Variants in NAV2 observed in about 807,000 individuals in gnomAD.
NAV2 encodes the protein helicase, APC down-regulated 1.
NAV2 carries 54 observed loss-of-function variants against 223.2 expected under a neutral mutation model. The ratio of observed to expected loss-of-function variants is 0.24; its 90% CI spans 0.19 to 0.30. The LOEUF is 0.30. Ranked by LOEUF, NAV2 falls within the 10% of genes least tolerant of loss-of-function variation. NAV2 has a pLI of 1.00. For missense variants in NAV2, 2,806 were observed against 3,147.5 expected, an observed-to-expected ratio of 0.89 and a Z score of 2.60; for synonymous variants, 1,279 against 1,239.3, an observed-to-expected ratio of 1.03 and a Z score of -0.67.
chr11:19,935,869 T>TTTTTTTTTTTTTTTTTTTTTC (rs1423968722), intron 7 of NAV2, among the ~76,000 whole-genome samples: 1 of 125,764 alleles, frequency 8.0e-6, no homozygotes, highest in Non-Finnish European at 1.7e-5. Flanking sequence ...TTTTTTTTTT[T>TTTTTTTTTTTTTTTTTTTTTC]TTTTTTGAGA....
chr11:19,503,901 T>G (rs1219990284), intron 1 of NAV2: 1 of 152,072 alleles, frequency 6.6e-6, no homozygotes, highest in African/African-American at 2.4e-5. Context: ...GCGGGGAAAA[T>G]AATTGCAAAA....
intron 32 of NAV2, among the ~76,000 whole-genome samples, chr11:20,102,921 T>C (rs548222195): frequency 2.0e-5 from 3 of 152,324 alleles, no homozygotes; most frequent in Admixed American, 6.5e-5. Flanking sequence ...CCTCTGCTGC[T>C]CTGATGTGTA....
chr11:19,620,702 C>G (rs79087051), intron 1 of NAV2, among the ~76,000 whole-genome samples: 47 of 152,248 alleles, frequency 3.1e-4, no homozygotes, highest in African/African-American at 1.1e-3. Context: ...CATGTCATCT[C>G]CAAACAGGGA....
intron 5 of NAV2, 109 bp downstream of exon 5, chr11:19,880,236 T>A (rs1238153128): frequency 7.2e-7 from 1 of 1,388,738 alleles, no homozygotes; most frequent in East Asian, 2.5e-5. Context: ...TCTTCAATGC[T>A]GAGAGCTACT....
chr11:19,367,666 C>T lies in NAV2; in HGVS notation c.75+16639C>T, dbSNP rs1004423518. Among the ~76,000 whole-genome samples the T allele has an allele frequency of 2.0e-5, 3 of 152,138 alleles. 1 individual carries two copies. Among genetic ancestry groups the T allele is most frequent in the South Asian group, 4.1e-4 (2 of 4,822 alleles). ...TCCTTGCCAGTGGCCCAGAGTGCAG[C>T]TATTCCTTGCTTGAGTTGTATGTCC... On this transcript the variant is annotated intron_variant, in intron 1 of 37. Coordinates refer to the NAV2 transcript ENST00000360655.
intron 1 of NAV2, among the ~76,000 whole-genome samples, chr11:19,531,757 G>A (rs1243817888): frequency 1.3e-5 from 2 of 152,046 alleles, no homozygotes; most frequent in Non-Finnish European, 2.9e-5. Flanking sequence ...GTGTTCTAGG[G>A]GTAAATATGT....
chr11:19,696,431 C>T (rs1045371911), intron 1 of NAV2, among the ~76,000 whole-genome samples: 32 of 152,222 alleles, frequency 2.1e-4, no homozygotes, highest in African/African-American at 7.5e-4. Context: ...ATTGAAGTCT[C>T]CTTCTCTTTT....
chr11:19,602,235 C>CATTCCA (rs2046369014), intron 1 of NAV2, among the ~76,000 whole-genome samples: 6 of 143,376 alleles, frequency 4.2e-5, no homozygotes, highest in Admixed American at 7.3e-5. Context: ...TGGAATGCAG[C>CATTCCA]GGCGTGACCT....
intron 1 of NAV2, among the ~76,000 whole-genome samples, chr11:19,664,937 C>A (rs1233666373): frequency 1.3e-5 from 2 of 152,208 alleles, no homozygotes; most frequent in African/African-American, 4.8e-5. Flanking sequence ...AGAGGAAAAA[C>A]CAAGAGCTCA....
intron 1 of NAV2, among the ~76,000 whole-genome samples, chr11:19,528,114 G>A (rs554897117): frequency 7.9e-5 from 12 of 152,258 alleles, no homozygotes; most frequent in African/African-American, 2.4e-4. Flanking sequence ...AATAATTTTT[G>A]TATCGAGGAA....
At chr11:19,803,315 G>A (rs1160832528) in intron 1 of NAV2, among the ~76,000 whole-genome samples, 1 of 152,140 alleles carries the variant, frequency 6.6e-6, no homozygotes, top group African/African-American at 2.4e-5. Context: ...TGCAGGCAGG[G>A]AGATACTCCC....
At chr11:19,636,183 T>C (rs369851153) in intron 1 of NAV2, among the ~76,000 whole-genome samples, 1 of 152,252 alleles carries the variant, frequency 6.6e-6, no homozygotes, top group African/African-American at 2.4e-5. Context: ...AACATCTGTG[T>C]CTTTTATTCT....
At chr11:19,656,487 G>C (rs56800823) in intron 1 of NAV2, among the ~76,000 whole-genome samples, 2,594 of 152,298 alleles carry the variant, frequency 0.017, 67 homozygotes, top group African/African-American at 0.059. Flanking sequence ...CAGGAGACTG[G>C]GGAAGGAGCA....
chr11:19,831,195 G>A (rs973710803), intron 1 of NAV2, among the ~76,000 whole-genome samples: 1 of 125,050 alleles, frequency 8.0e-6, no homozygotes, highest in Non-Finnish European at 1.6e-5. Flanking sequence ...ACCTGACCCC[G>A]GCTCCTGTTC....
intron 1 of NAV2, among the ~76,000 whole-genome samples, chr11:19,513,919 G>A (rs2043357693): frequency 6.6e-6 from 1 of 152,142 alleles, no homozygotes; most frequent in Non-Finnish European, 1.5e-5. Flanking sequence ...CTAGGAAGAT[G>A]CAAGGAAGAA....
intron 11 of NAV2, among the ~76,000 whole-genome samples, chr11:20,028,110 C>T (rs2055291484): frequency 6.6e-6 from 1 of 152,162 alleles, no homozygotes; most frequent in South Asian, 2.1e-4. Flanking sequence ...GGTTTACTTT[C>T]TCAGTTCTGT....
At chr11:19,916,909 G>A (rs964154335) in intron 6 of NAV2, among the ~76,000 whole-genome samples, 4 of 152,200 alleles carry the variant, frequency 2.6e-5, no homozygotes, top group Non-Finnish European at 5.9e-5. Context: ...AAGTACAGAG[G>A]GCCAAAATCT....
Position 19,646,795 on chromosome 11 carries a change from G to A in NAV2, c.76-185689G>A, listed in dbSNP as rs553596954. On this transcript the variant is annotated intron_variant, in intron 1 of 37. Transcript: ENST00000360655. ...GCATTATAGATCTCTCCAATTTATA[G>A]ATATAGAACATGAGGCTCAGAGAAG... 2.8e-3 allele frequency among the ~76,000 whole-genome samples: 422 copies of A among 152,298 alleles called. 1 individual carries two copies. The highest frequency in any genetic ancestry group is 4.7e-3 in the Non-Finnish European group (322 of 68,034).
intron 1 of NAV2, among the ~76,000 whole-genome samples, chr11:19,784,276 T>C (rs1383145160): frequency 6.6e-6 from 1 of 150,454 alleles, no homozygotes; most frequent in Non-Finnish European, 1.5e-5. Context: ...TAATCCCAGC[T>C]ACTCAGGAGG....
Sources: allele counts gnomAD v4.1 joint callset (sites outside exome capture counted in the v4.1 genomes callset), GRCh38; gene constraint gnomAD v4.1.1; transcripts MANE v1.5; gene names NCBI Gene and HGNC (gene_info 2026-07-23, HGNC 2026-07-21).